The following PRDM2 variants were observed in gnomAD, a reference collection of about 807,000 sequenced individuals.
PRDM2 encodes the protein PR domain zinc finger protein 2.
A neutral mutation model predicts 130.0 loss-of-function variants in PRDM2; 30 were observed. That is an observed-to-expected ratio of 0.23 (90% CI 0.17 to 0.31). The LOEUF (loss-of-function observed/expected upper bound fraction) is 0.31, where lower values mean the gene tolerates loss of function less well. Ranked by LOEUF, PRDM2 falls within the 10% of genes least tolerant of loss-of-function variation. The pLI is 1.00. For synonymous variants in PRDM2, 871 were observed against 782.4 expected (o/e 1.11, Z -1.89); for missense variants, 2,011 against 2,108.4 (o/e 0.95, Z 0.90).
intron 7 of PRDM2, 137 bp from the exon 8 acceptor site, chr1:13,778,281 G>A (rs890009586): frequency 1.1e-6 from 1 of 899,100 alleles, no homozygotes; most frequent in African/African-American, 1.7e-5. Flanking sequence ...ATATAAAGTA[G>A]AAGTAATTTA....
chr1:13,712,089 T>C (rs879503207), intron 1 of PRDM2, among the ~76,000 whole-genome samples: 19 of 145,952 alleles, frequency 1.3e-4, no homozygotes, highest in Admixed American at 2.1e-4. Context: ...CCAGGCATGG[T>C]GGCGCGAGCC....
At chr1:13,706,276 G>T (rs1642208685) in intron 1 of PRDM2, among the ~76,000 whole-genome samples, 2 of 152,164 alleles carry the variant, frequency 1.3e-5, no homozygotes, top group Admixed American at 1.3e-4. Flanking sequence ...CCCAGCCCCA[G>T]TCTTTCTGGC....
chr1:13,807,463 G>A (rs183462183), intron 8 of PRDM2, among the ~76,000 whole-genome samples: 72 of 152,332 alleles, frequency 4.7e-4, no homozygotes, highest in East Asian at 9.6e-4. Flanking sequence ...TGTTGATGGG[G>A]ATAAGCACAA....
intron 9 of PRDM2, among the ~76,000 whole-genome samples, chr1:13,818,562 A>G (rs1201726657): frequency 4.0e-5 from 5 of 125,396 alleles, no homozygotes; most frequent in African/African-American, 1.5e-4. Flanking sequence ...TTTTTTTTGT[A>G]TTTTAGTAGA....
At chr1:13,819,830 A>G (rs1645319475) in intron 9 of PRDM2, among the ~76,000 whole-genome samples, 1 of 151,822 alleles carries the variant, frequency 6.6e-6, no homozygotes, top group Non-Finnish European at 1.5e-5. Context: ...TTAGAAGTCC[A>G]CTCATCTCAT....
chr1:13,705,198 C>G (rs1642169915), intron 1 of PRDM2: 1 of 152,144 alleles, frequency 6.6e-6, no homozygotes, highest in African/African-American at 2.4e-5. Context: ...CCTGTTGTCT[C>G]TTACTATTTG....
chr1:13,701,539 T>G (rs887356041), intron 1 of PRDM2, among the ~76,000 whole-genome samples: 8 of 152,156 alleles, frequency 5.3e-5, no homozygotes, highest in Non-Finnish European at 1.0e-4. Flanking sequence ...TCTTTTTTAG[T>G]AGGGTTCTGT....
At chr1:13,818,957 A>G (rs568679220) in intron 9 of PRDM2, among the ~76,000 whole-genome samples, 2 of 152,246 alleles carry the variant, frequency 1.3e-5, no homozygotes, top group South Asian at 4.1e-4. Flanking sequence ...CATTTTACAG[A>G]TGGAAAAATT....
At chr1:13,725,761 A>G (rs1314206751) in intron 2 of PRDM2, among the ~76,000 whole-genome samples, 3 of 152,238 alleles carry the variant, frequency 2.0e-5, no homozygotes, top group Non-Finnish European at 4.4e-5. Context: ...AAGGCAGACA[A>G]CATCTTAGTG....
At chr1:13,700,405 G>C (rs527942519) in intron 1 of PRDM2, 105 bp downstream of exon 1, 1 of 150,030 alleles carries the variant, frequency 6.7e-6, no homozygotes, top group African/African-American at 2.4e-5. Flanking sequence ...CTGGGGACCC[G>C]GCGCCGCAGG....
intron 4 of PRDM2, 99 bp downstream of exon 4, chr1:13,732,981 A>G: frequency 3.5e-6 from 3 of 865,954 alleles, no homozygotes; most frequent in Non-Finnish European, 5.3e-6. Context: ...AATCATTTTA[A>G]TGTGTTCTTT....
At chr1:13,813,363 TG>T (rs1031411235) in intron 8 of PRDM2, among the ~76,000 whole-genome samples, 2 of 152,182 alleles carry the variant, frequency 1.3e-5, no homozygotes, top group African/African-American at 4.8e-5. Context: ...TTGGGGGCAC[TG>T]TGCTCTCATG....
chr1:13,798,369 G>A (rs1351509550), intron 8 of PRDM2, among the ~76,000 whole-genome samples: 1 of 152,176 alleles, frequency 6.6e-6, no homozygotes, highest in African/African-American at 2.4e-5. Flanking sequence ...TTAAAATCAA[G>A]CCGAAAGAAA....
chr1:13,812,949 AG>A (rs1645197103), intron 8 of PRDM2, among the ~76,000 whole-genome samples: 3 of 152,200 alleles, frequency 2.0e-5, no homozygotes, highest in Admixed American at 2.0e-4. Context: ...GCCGAGCGAC[AG>A]GGAGTGGCTT....
Position 13,781,754 on chromosome 1 carries a change from T to G in PRDM2, c.3959T>G (p.Phe1320Cys). The G allele has an allele frequency of 1.9e-6, 3 of 1,614,172 alleles. No individual in the cohort carries two copies. The highest frequency in any genetic ancestry group is 2.5e-6 in the Non-Finnish European group (3 of 1,180,042). The change falls in exon 8 of 10, where the codon TTC becomes TGC. Residue 1320 changes from phenylalanine (F) to cysteine (C), a missense_variant. By Grantham distance (205) the Phe-to-Cys change is radical. Around this residue, in one of 5 missense-constraint regions of PRDM2, gnomAD observed 229 missense variants for 364.1 expected, o/e 0.63. Transcript: ENST00000311066. This position sits in a 1 kb window ranked among gnomAD's most constrained non-coding sequence, Gnocchi z 6.1. ...GGGATTGGTGTGACAGCCACAAATT[T>G]CACTACACACAATATTCCACAGACT... is the stretch of plus-strand genomic sequence containing the variant. ...PMGIGVTATN[F>C]TTHNIPQTFT...
chr1:13,765,916 T>G (rs777987604), intron 6 of PRDM2, among the ~76,000 whole-genome samples: 2 of 152,226 alleles, frequency 1.3e-5, no homozygotes, highest in Non-Finnish European at 2.9e-5. Context: ...GTTAAGCCTT[T>G]TCATCTTGCT....
At chr1:13,811,012 C>G (rs1389661747) in intron 8 of PRDM2, among the ~76,000 whole-genome samples, 1 of 151,694 alleles carries the variant, frequency 6.6e-6, no homozygotes, top group Admixed American at 6.6e-5. Context: ...GGTGAAACCC[C>G]GTCTCTACTA....
chr1:13,767,867 T>C (rs943754536), intron 6 of PRDM2, among the ~76,000 whole-genome samples: 4 of 151,914 alleles, frequency 2.6e-5, no homozygotes, highest in Admixed American at 6.6e-5. Context: ...TTCAGCTACA[T>C]AGGAGGCTGA....
At chr1:13,753,671 G>T (rs924374925) in intron 6 of PRDM2, among the ~76,000 whole-genome samples, 5 of 152,192 alleles carry the variant, frequency 3.3e-5, no homozygotes, top group African/African-American at 1.2e-4. Context: ...AGGCAGTAAG[G>T]ACTATTGACC....
Sources: allele counts gnomAD v4.1 joint callset (sites outside exome capture counted in the v4.1 genomes callset), GRCh38; gene constraint gnomAD v4.1.1; regional missense constraint gnomAD v4.1.1; non-coding constraint Gnocchi (gnomAD v3.1); transcripts MANE v1.5; gene names NCBI Gene and HGNC (gene_info 2026-07-23, HGNC 2026-07-21).